The following BAZ1A variants were observed in gnomAD, a reference collection of about 807,000 sequenced individuals.
BAZ1A encodes bromodomain adjacent to zinc finger domain protein 1A.
Under a neutral mutation model 185.2 loss-of-function variants are expected in BAZ1A, and 50 were observed. The ratio of observed to expected loss-of-function variants is 0.27; its 90% CI spans 0.22 to 0.34. The LOEUF (loss-of-function observed/expected upper bound fraction) is 0.34, where lower values mean the gene tolerates loss of function less well. Ranked by LOEUF, BAZ1A falls within the 10% of genes least tolerant of loss-of-function variation. The pLI, the probability that BAZ1A is intolerant of heterozygous loss-of-function variation, is 1.00. For missense variants in BAZ1A, 1,356 were observed against 1,839.9 expected, an observed-to-expected ratio of 0.74 and a Z score of 4.81; for synonymous variants, 571 against 615.6, an observed-to-expected ratio of 0.93 and a Z score of 1.07.
At chr14:34,835,737 T>A (rs2042319064) in intron 3 of BAZ1A, among the ~76,000 whole-genome samples, 1 of 151,236 alleles carries the variant, frequency 6.6e-6, no homozygotes, top group Non-Finnish European at 1.5e-5. Flanking sequence ...AATGGCGTGA[T>A]CTCGGCTCAC....
intron 4 of BAZ1A, among the ~76,000 whole-genome samples, chr14:34,811,618 A>G (rs1177417414): frequency 1.3e-5 from 2 of 152,100 alleles, no homozygotes; most frequent in African/African-American, 2.4e-5. Context: ...GAGCCACTGT[A>G]CATGGCCATG....
rs1288246824 is a variant in BAZ1A at position 34,753,648 on chromosome 14, G to A, written c.4531C>T (p.Arg1511Cys). 7 of 1,613,554 alleles carry A rather than the reference G, an allele frequency of 4.3e-6. No homozygotes were observed. The highest frequency in any genetic ancestry group is 2.7e-5 in the African/African-American group (2 of 74,910). The change falls in exon 27 of 27, where the codon CGT becomes TGT. Residue 1511 changes from arginine to cysteine, a missense_variant. This residue lies in a region of BAZ1A where 61 missense variants were observed against 117.9 expected (regional missense o/e 0.52). Coordinates refer to ENST00000360310, the MANE Select transcript of BAZ1A (RefSeq NM_013448.3). Reference protein sequence around the residue: ...MFSNCFEYNPRNTSEAKAGTR... With the variant: ...MFSNCFEYNPCNTSEAKAGTR... ...CCAGCTTTTGCTTCACTTGTGTTAC[G>A]AGGGTTGTATTCAAAGCAGTTCGAA... is the stretch of plus-strand genomic sequence containing the variant.
At chr14:34,761,527 G>T (rs911077750) in intron 24 of BAZ1A, among the ~76,000 whole-genome samples, 1 of 152,042 alleles carries the variant, frequency 6.6e-6, no homozygotes, top group Non-Finnish European at 1.5e-5. Flanking sequence ...AAAACAGAAC[G>T]TCATTTGTAA....
chr14:34,762,071 T>G lies in BAZ1A; in HGVS notation c.3929A>C (p.Lys1310Thr). 4.3e-6 allele frequency: 7 copies of G among 1,614,200 alleles called. No individual in the cohort carries two copies. The highest frequency in any genetic ancestry group is 5.9e-6 in the Non-Finnish European group (7 of 1,180,042). Residue 1310 changes from lysine to threonine, a missense_variant, in exon 24 of 27, where the codon AAA becomes ACA. By Grantham distance (78) the Lys-to-Thr change is moderately conservative. Around this residue, in one of 7 missense-constraint regions of BAZ1A, gnomAD observed 309 missense variants for 355.3 expected, o/e 0.87. Coordinates refer to ENST00000360310, the MANE Select transcript of BAZ1A (RefSeq NM_013448.3). ...QSTPKTTVSSKTGRSLRKINS... is the reference protein window; with the variant it reads ...QSTPKTTVSSTTGRSLRKINS... ...TATCTTTCTTAGGCTTCTACCAGTT[T>G]TAGAAGAAACAGTTGTTTTGGGTGT... is the stretch of plus-strand genomic sequence containing the variant.
intron 8 of BAZ1A, 89 bp downstream of exon 8, chr14:34,801,005 A>G (rs1220636847): frequency 1.2e-6 from 1 of 864,950 alleles, no homozygotes; most frequent in Non-Finnish European, 1.7e-6. Context: ...AACCAGAAAC[A>G]TGCCATTTCG....
At chr14:34,771,167 CT>C (rs1402663625) in intron 21 of BAZ1A, 1 of 181,136 alleles carries the variant, frequency 5.5e-6, no homozygotes, top group Non-Finnish European at 1.2e-5. Context: ...TAATTTTTTT[CT>C]TTTTTAATTT....
Position 34,753,414 on chromosome 14 carries a change from C to CT in BAZ1A, c.*93_*94insA. On this transcript the variant is annotated 3_prime_UTR_variant, in exon 27 of 27. Coordinates refer to ENST00000360310, the MANE Select transcript of BAZ1A (RefSeq NM_013448.3). Reference sequence around the variant, plus strand: ...AGTGCAGGCCACACTTTCATGTGGTCAATCAATTGTTATTGCTTTATACAG... The same window carrying CT: ...AGTGCAGGCCACACTTTCATGTGGTCTAATCAATTGTTATTGCTTTATACAG... The CT allele has an allele frequency of 2.4e-6, 3 of 1,264,922 alleles. No individual in the cohort carries two copies. Among genetic ancestry groups the CT allele is most frequent in the Non-Finnish European group, 3.4e-6 (3 of 893,538 alleles). The allele number at this position is 1,264,922 out of a possible 1,614,324, so 78.4% of individuals were successfully genotyped here.
intron 2 of BAZ1A, among the ~76,000 whole-genome samples, chr14:34,867,174 A>C (rs1161541020): frequency 6.6e-6 from 1 of 151,980 alleles, no homozygotes; most frequent in African/African-American, 2.4e-5. Context: ...CAGGAAAATC[A>C]CCTGAACCCG....
chr14:34,805,506 A>G (rs1881806705), intron 6 of BAZ1A, among the ~76,000 whole-genome samples: 1 of 152,220 alleles, frequency 6.6e-6, no homozygotes. Context: ...TACAATATAC[A>G]TATACAACTA....
At chr14:34,872,215 G>A (rs1172204233) in intron 2 of BAZ1A, among the ~76,000 whole-genome samples, 1 of 151,864 alleles carries the variant, frequency 6.6e-6, no homozygotes, top group Non-Finnish European at 1.5e-5. Context: ...TTCAGCATAA[G>A]GGAAAAAACA....
intron 9 of BAZ1A, among the ~76,000 whole-genome samples, chr14:34,796,569 CT>C (rs1881212139): frequency 6.6e-6 from 1 of 152,124 alleles, no homozygotes; most frequent in Non-Finnish European, 1.5e-5. Flanking sequence ...ATAATTCAGG[CT>C]ATTTCTCTTA....
chr14:34,844,742 A>T (rs1475765530), intron 3 of BAZ1A, among the ~76,000 whole-genome samples: 3 of 151,114 alleles, frequency 2.0e-5, no homozygotes, highest in Non-Finnish European at 2.9e-5. Context: ...TGGGCAACAG[A>T]GTGTGACCCT....
intron 6 of BAZ1A, 21 bp from the exon 7 acceptor site, chr14:34,803,009 G>C: frequency 6.3e-7 from 1 of 1,592,658 alleles, no homozygotes; most frequent in South Asian, 1.1e-5. Context: ...CAAAGACATA[G>C]GGTACAATAA....
chr14:34,786,427 TTCTGTA>T lies in BAZ1A; in HGVS notation c.1511-212_1511-207del, dbSNP rs576774007. ...TAAACCAAGCACTACACACTGACATTTCTGTAAATTAACAGAAAAGACAATTTCCAA... is the reference window on the plus strand; with the variant it reads ...TAAACCAAGCACTACACACTGACATTAATTAACAGAAAAGACAATTTCCAA... On this transcript the variant is annotated intron_variant, in intron 12 of 26. Transcript: ENST00000360310. The T allele has an allele frequency of 1.8e-3, 831 of 454,030 alleles. 1 individual carries two copies. The highest frequency in any genetic ancestry group is 5.6e-3 in the South Asian group (160 of 28,646). The allele number at this position is 454,030 out of a possible 1,614,324, so 28.1% of individuals were successfully genotyped here. A position where few individuals can be genotyped will look rare whatever the true frequency, so the allele number is the denominator to read the frequency against.
Position 34,768,572 on chromosome 14 carries a change from C to G in BAZ1A, c.3301+2939G>C, listed in dbSNP as rs80204241. 2.4e-4 allele frequency: 61 copies of G among 255,684 alleles called. 1 individual carries two copies. In the East Asian group the frequency reaches 6.4e-3, roughly 27 times the overall value. The allele number at this position is 255,684 out of a possible 1,614,324, so 15.8% of individuals were successfully genotyped here. ...CAAGTCCATTCCCTTCCAAAAAAAT[C>G]AAATCCAAGGTTTTCCTTCAAAAGC... On this transcript the variant is annotated intron_variant, in intron 21 of 26. Transcript: ENST00000360310.
rs2041862283 is a variant in BAZ1A, at chr14:34,807,469, A to C, written c.708T>G (p.Asp236Glu). ...LFLKQHCEPQ[D>E]GVIKIKASSL... ...TGATTACCTTTATTTTAATGACTCC[A>C]TCTTGTGGTTCACAGTGTTGCTTCA... Residue 236 changes from aspartate to glutamate, a missense_variant, in exon 6 of 27, where the codon GAT (aspartate) becomes GAG (glutamate). By Grantham distance (45) the Asp-to-Glu change is conservative. Transcript: ENST00000360310. 1 of 1,609,786 alleles carries C rather than the reference A, an allele frequency of 6.2e-7. No homozygotes were observed. The highest frequency in any genetic ancestry group is 1.7e-5 in the Admixed American group (1 of 59,682).
In BAZ1A at chr14:34,792,768, C is replaced by T. The variant is rs753402205; in HGVS notation, c.1510+7G>A. The T allele has an allele frequency of 2.5e-6, 4 of 1,613,242 alleles. No homozygotes were observed. Among genetic ancestry groups the T allele is most frequent in the South Asian group, 1.1e-5 (1 of 90,812 alleles). ...TGGTTCAATCAGCAATAATGTTGAA[C>T]TCTGACCTTTGGTGTCAGCATCAGT... is the stretch of plus-strand genomic sequence containing the variant. On this transcript the variant is annotated splice_region_variant and intron_variant, in intron 12 of 26. Transcript: ENST00000360310.
rs1332215723 is a variant in BAZ1A, at chr14:34,776,462, A to T, written c.2290T>A (p.Cys764Ser). Residue 764 changes from cysteine to serine, a missense_variant, in exon 18 of 27, where the codon TGT becomes AGT. By Grantham distance (112) the Cys-to-Ser change is moderately radical. Coordinates refer to ENST00000360310, the MANE Select transcript of BAZ1A (RefSeq NM_013448.3). ...KEFTRQEQIN[C>S]VTREPLTADE... is the part of the protein sequence containing the mutation. ...GCAGTAAGAGGCTCTCTTGTTACAC[A>T]GTTGATCTGTTCTTGCCTTGTAAAT... 1 of 1,613,556 alleles carries T rather than the reference A, an allele frequency of 6.2e-7. No individual in the cohort carries two copies. The highest frequency in any genetic ancestry group is 8.5e-7 in the Non-Finnish European group (1 of 1,179,982).
chr14:34,779,037 T>C (rs1035631004), intron 17 of BAZ1A, among the ~76,000 whole-genome samples: 4 of 152,092 alleles, frequency 2.6e-5, no homozygotes, highest in Non-Finnish European at 4.4e-5. Context: ...TGGGTACTTT[T>C]TGTGGCGATG....
Sources: allele counts gnomAD v4.1 joint callset (sites outside exome capture counted in the v4.1 genomes callset), GRCh38; gene constraint gnomAD v4.1.1; regional missense constraint gnomAD v4.1.1; transcripts MANE v1.5; gene names NCBI Gene and HGNC (gene_info 2026-07-23, HGNC 2026-07-21).